ATRNL1: variants seen among roughly 807,000 people sequenced by gnomAD.
ATRNL1 encodes attractin-like protein 1.
In ATRNL1, 95 loss-of-function variants were observed where a neutral mutation model predicts 182.7. The ratio of observed to expected loss-of-function variants is 0.52; its 90% confidence interval spans 0.44 to 0.62. ATRNL1 has a LOEUF of 0.62. Among genes scored for constraint, ATRNL1 ranks in the 20% least tolerant of loss-of-function variants. ATRNL1 has a pLI of 0.00. For synonymous variants in ATRNL1, 576 were observed against 568.3 expected (o/e 1.01, Z -0.19); for missense variants, 1,471 against 1,679.5 (o/e 0.88, Z 2.17).
chr10:115,474,233 A>T (rs1407776231), intron 24 of ATRNL1, among the ~76,000 whole-genome samples: 1 of 151,316 alleles, frequency 6.6e-6, no homozygotes, highest in Admixed American at 6.6e-5. Context: ...CAGGTAAGGT[A>T]TTCTTGGTTG....
intron 26 of ATRNL1, among the ~76,000 whole-genome samples, chr10:115,692,086 C>G (rs1417524624): frequency 4.6e-5 from 7 of 152,156 alleles, no homozygotes; most frequent in Non-Finnish European, 8.8e-5. Flanking sequence ...GTTTTGACTT[C>G]ATGAGGTTCT....
intron 24 of ATRNL1, among the ~76,000 whole-genome samples, chr10:115,481,529 C>A (rs1417354800): frequency 6.6e-6 from 1 of 150,584 alleles, no homozygotes; most frequent in East Asian, 1.9e-4. Context: ...AACAAAATAA[C>A]TTGTTGAATT....
chr10:115,180,895 G>C (rs1554887731), intron 8 of ATRNL1, among the ~76,000 whole-genome samples: 2 of 151,840 alleles, frequency 1.3e-5, no homozygotes, highest in Non-Finnish European at 2.9e-5. Flanking sequence ...AAATAGTTTA[G>C]GCTTTGTATC....
At chr10:115,339,228 A>AT (rs1383956394) in intron 19 of ATRNL1, among the ~76,000 whole-genome samples, 1 of 151,416 alleles carries the variant, frequency 6.6e-6, no homozygotes, top group African/African-American at 2.4e-5. Flanking sequence ...ATATATTTTA[A>AT]TTTTTTTTCT....
At chr10:115,335,840 T>C (rs782430482) in intron 19 of ATRNL1, among the ~76,000 whole-genome samples, 1 of 149,898 alleles carries the variant, frequency 6.7e-6, no homozygotes, top group Non-Finnish European at 1.5e-5. Context: ...ATTTGGGGGA[T>C]TTTTTCTGAA....
rs530738634 is a variant in ATRNL1 at position 115,631,063 on chromosome 10, A to AG, written c.3795+81533dup. Among the ~76,000 whole-genome samples, 316 of 151,494 alleles carry AG rather than the reference A, an allele frequency of 2.1e-3. 1 individual carries two copies. Among genetic ancestry groups the AG allele is most frequent in the African/African-American group, 7.1e-3 (292 of 41,230 alleles). ...AGGACTATGCTTACCAGGGGTGGGG[A>AG]GGGGGGTGTGTACGGGAAATGGGGA... On this transcript the variant is annotated intron_variant, in intron 26 of 28. Coordinates refer to ENST00000355044, the MANE Select transcript of ATRNL1 (RefSeq NM_207303.4).
intron 9 of ATRNL1, among the ~76,000 whole-genome samples, chr10:115,223,703 C>T (rs1325502988): frequency 4.6e-5 from 7 of 151,014 alleles, no homozygotes; most frequent in Non-Finnish European, 1.0e-4. Flanking sequence ...GGAACTTTCC[C>T]GGAATTTACT....
At chr10:115,412,846 T>G (rs1441491115) in intron 20 of ATRNL1, among the ~76,000 whole-genome samples, 1 of 152,194 alleles carries the variant, frequency 6.6e-6, no homozygotes, top group South Asian at 2.1e-4. Context: ...TCTGCAAAAT[T>G]GCCTTAATAA....
At chr10:115,566,275 A>T (rs1854072434) in intron 26 of ATRNL1, among the ~76,000 whole-genome samples, 1 of 152,080 alleles carries the variant, frequency 6.6e-6, no homozygotes, top group African/African-American at 2.4e-5. Flanking sequence ...GAAATATGCT[A>T]TTCTTAGAAG....
rs566138133 is a variant in ATRNL1, at chr10:115,800,741, G to C, written c.3904-47136G>C. Among the ~76,000 whole-genome samples, 18 of 152,296 alleles carry C rather than the reference G, an allele frequency of 1.2e-4. No homozygotes were observed. In the South Asian group the frequency reaches 3.3e-3, roughly 28 times the overall value. On this transcript the variant is annotated intron_variant, in intron 27 of 28. Coordinates refer to ENST00000355044, the MANE Select transcript of ATRNL1 (RefSeq NM_207303.4). ...GGTTTAGATGAGGTCATGAGGGTGA[G>C]TTTTCTCTCTCTCTTTCTGTCATGT...
chr10:115,431,235 G>A (rs1158949414), intron 21 of ATRNL1, among the ~76,000 whole-genome samples: 5 of 151,762 alleles, frequency 3.3e-5, no homozygotes, highest in African/African-American at 7.3e-5. Flanking sequence ...GGAGAAACCC[G>A]TCTCTACTAA....
intron 26 of ATRNL1, among the ~76,000 whole-genome samples, chr10:115,597,221 T>G (rs1436692196): frequency 6.6e-6 from 1 of 152,188 alleles, no homozygotes; most frequent in Non-Finnish European, 1.5e-5. Context: ...CCAAAATGAT[T>G]TGAGGCTCTA....
At chr10:115,106,550 T>A (rs1338939544) in intron 1 of ATRNL1, among the ~76,000 whole-genome samples, 3 of 152,174 alleles carry the variant, frequency 2.0e-5, no homozygotes, top group African/African-American at 7.2e-5. Flanking sequence ...TCTCCTAGAA[T>A]TTTTTGATGT....
intron 28 of ATRNL1, among the ~76,000 whole-genome samples, chr10:115,859,343 G>GA (rs1555102913): frequency 6.6e-6 from 1 of 151,922 alleles, no homozygotes; most frequent in East Asian, 1.9e-4. Context: ...GAGATCCAGA[G>GA]ACCTTGGTTG....
intron 6 of ATRNL1, among the ~76,000 whole-genome samples, chr10:115,161,241 C>T (rs1361511755): frequency 6.6e-6 from 1 of 151,512 alleles, no homozygotes; most frequent in Non-Finnish European, 1.5e-5. Flanking sequence ...TGATTGAATG[C>T]GACTGAAATT....
chr10:115,882,735 G>T (rs372649420), intron 28 of ATRNL1, among the ~76,000 whole-genome samples: 1 of 152,156 alleles, frequency 6.6e-6, no homozygotes, highest in East Asian at 1.9e-4. Context: ...TCTCTTCCCC[G>T]CAGAGCTCTT....
intron 5 of ATRNL1, among the ~76,000 whole-genome samples, chr10:115,141,950 T>C (rs1381144445): frequency 1.3e-5 from 2 of 152,202 alleles, no homozygotes; most frequent in African/African-American, 2.4e-5. Flanking sequence ...TTCATTTATT[T>C]ATCTTTTTCA....
At chr10:115,207,516 C>G (rs1411599821) in intron 8 of ATRNL1, among the ~76,000 whole-genome samples, 1 of 151,880 alleles carries the variant, frequency 6.6e-6, no homozygotes, top group Non-Finnish European at 1.5e-5. Context: ...ATTTTGTTGT[C>G]ATCTCCTGTA....
chr10:115,779,797 T>A (rs782371761), intron 27 of ATRNL1, among the ~76,000 whole-genome samples: 3 of 152,106 alleles, frequency 2.0e-5, no homozygotes, highest in Non-Finnish European at 4.4e-5. Context: ...TCCTCTAGGG[T>A]TGGTACAAAA....
Sources: gnomAD v4.1 joint callset for allele counts (sites outside exome capture counted in the v4.1 genomes callset) on GRCh38, gnomAD v4.1.1 for gene constraint, MANE v1.5 for transcripts, NCBI Gene and HGNC (gene_info 2026-07-23, HGNC 2026-07-21) for gene names.